ASXL2: variants seen among roughly 807,000 people sequenced by gnomAD.
The protein encoded by ASXL2 is putative Polycomb group protein ASXL2.
In ASXL2, 23 loss-of-function variants were observed where a neutral mutation model predicts 122.0. That is an observed-to-expected ratio of 0.19 (90% CI 0.14 to 0.27). The LOEUF is 0.27. ASXL2 is among the 10% of genes least tolerant of loss of function. The pLI, the probability that ASXL2 is intolerant of heterozygous loss-of-function variation, is 1.00. For synonymous variants in ASXL2, 650 were observed against 637.0 expected, an observed-to-expected ratio of 1.02 and a Z score of -0.31; for missense variants, 1,518 against 1,713.8, an observed-to-expected ratio of 0.89 and a Z score of 2.02.
chr2:25,792,861 T>C (rs988578043), intron 5 of ASXL2, among the ~76,000 whole-genome samples: 4 of 151,928 alleles, frequency 2.6e-5, no homozygotes, highest in Admixed American at 6.5e-5. Context: ...CCTCCTCGGC[T>C]TCCCAAAGTA....
At chr2:25,850,818 T>C (rs900301509) in intron 1 of ASXL2, among the ~76,000 whole-genome samples, 1 of 152,136 alleles carries the variant, frequency 6.6e-6, no homozygotes, top group African/African-American at 2.4e-5. Flanking sequence ...CTTTCCACTA[T>C]CTATTTGGTT....
chr2:25,744,359 T>C lies in ASXL2; in HGVS notation c.1978A>G (p.Ile660Val), dbSNP rs1164515342. 4.3e-6 allele frequency: 7 copies of C among 1,614,010 alleles called. No individual in the cohort carries two copies. Among genetic ancestry groups the C allele is most frequent in the Non-Finnish European group, 5.9e-6 (7 of 1,179,882 alleles). The change falls in exon 13 of 13, where the codon ATC becomes GTC. Residue 660 changes from isoleucine (I) to valine (V), a missense_variant. Ile to Val is a conservative substitution (Grantham distance 29). This residue lies in a region of ASXL2 where 48 missense variants were observed against 82.1 expected (regional missense o/e 0.58). Coordinates refer to ENST00000435504, the MANE Select transcript of ASXL2 (RefSeq NM_018263.6). This position sits in a 1 kb window ranked among gnomAD's most constrained non-coding sequence, Gnocchi z 4.7. Reference protein sequence around the residue: ...NRTGARTLADIKAKAQLVKAQ... With the variant: ...NRTGARTLADVKAKAQLVKAQ... ...TTGACCAGTTGGGCTTTTGCTTTGA[T>C]GTCTGCAAGAGTTCTGGCTCCTGTT...
At chr2:25,840,747 ATTTT>A (rs2089570092) in intron 2 of ASXL2, among the ~76,000 whole-genome samples, 1 of 152,182 alleles carries the variant, frequency 6.6e-6, no homozygotes, top group South Asian at 2.1e-4. Context: ...CATATACCTT[ATTTT>A]GTTTATTCAT....
intron 8 of ASXL2, among the ~76,000 whole-genome samples, chr2:25,765,459 G>T (rs538010196): frequency 6.6e-6 from 1 of 151,664 alleles, no homozygotes. Flanking sequence ...GCACTCCCTG[G>T]GCAACAGAGC....
intron 2 of ASXL2, chr2:25,845,215 G>A: frequency 2.4e-6 from 1 of 424,300 alleles, no homozygotes; most frequent in South Asian, 2.0e-5. Context: ...AAGGCTTGAA[G>A]ATGGCTCCAG....
chr2:25,761,136 A>G (rs1448151299), intron 8 of ASXL2, among the ~76,000 whole-genome samples: 1 of 152,232 alleles, frequency 6.6e-6, no homozygotes, highest in Non-Finnish European at 1.5e-5. Context: ...GGGTCTAACA[A>G]ATACCTGACT....
chr2:25,846,968 A>G (rs1331934632), intron 1 of ASXL2, among the ~76,000 whole-genome samples: 2 of 152,242 alleles, frequency 1.3e-5, no homozygotes, highest in African/African-American at 4.8e-5. Flanking sequence ...TATTATAACT[A>G]TGCTTCAAGA....
chr2:25,753,280 A>G (rs1009128943), intron 11 of ASXL2, among the ~76,000 whole-genome samples: 1 of 152,004 alleles, frequency 6.6e-6, no homozygotes, highest in Non-Finnish European at 1.5e-5. Context: ...TTTGTTTTTA[A>G]AGAAGCCATT....
intron 1 of ASXL2, among the ~76,000 whole-genome samples, chr2:25,850,878 G>A (rs2089707746): frequency 6.6e-6 from 1 of 152,170 alleles, no homozygotes; most frequent in South Asian, 2.1e-4. Context: ...TGCATGCGGT[G>A]GCTCACGCCT....
chr2:25,803,832 T>G (rs1009050355), intron 4 of ASXL2, among the ~76,000 whole-genome samples: 1 of 152,162 alleles, frequency 6.6e-6, no homozygotes, highest in African/African-American at 2.4e-5. Flanking sequence ...GCAGCCGGGT[T>G]CCTAACGGGC....
At chr2:25,865,983 A>G (rs2149202118) in intron 1 of ASXL2, among the ~76,000 whole-genome samples, 1 of 152,154 alleles carries the variant, frequency 6.6e-6, no homozygotes, top group East Asian at 1.9e-4. Flanking sequence ...ATGCACCATG[A>G]TGACAGCTGT....
At chr2:25,856,399 T>G in intron 1 of ASXL2, 1 of 475,326 alleles carries the variant, frequency 2.1e-6, no homozygotes, top group South Asian at 1.9e-5. Flanking sequence ...CCAGTGTTTA[T>G]TTCAGGAAGC....
At chr2:25,801,521 A>T (rs181245009) in intron 4 of ASXL2, among the ~76,000 whole-genome samples, 38 of 152,248 alleles carry the variant, frequency 2.5e-4, no homozygotes, top group African/African-American at 7.5e-4. Context: ...ATATTTTTCT[A>T]TTATTTCCTT....
intron 3 of ASXL2, among the ~76,000 whole-genome samples, chr2:25,820,403 T>C (rs1438160698): frequency 6.6e-6 from 1 of 152,242 alleles, no homozygotes; most frequent in Non-Finnish European, 1.5e-5. Flanking sequence ...TAAATGTATA[T>C]GATTTTTAAA....
At chr2:25,817,410 A>C (rs1341809143) in intron 3 of ASXL2, among the ~76,000 whole-genome samples, 1 of 152,184 alleles carries the variant, frequency 6.6e-6, no homozygotes, top group Non-Finnish European at 1.5e-5. Context: ...AATTAATATT[A>C]CCTCACAGTG....
In ASXL2 at chr2:25,750,275, G is replaced by A. The variant is rs940881705; in HGVS notation, c.1281C>T (p.Ser427=). ...ASLIRIVPVV[S]QSECKEEALQ... is the part of the protein sequence containing the mutation. ...ATGCTTCTTCTTTACACTCTGACTG[G>A]GAGACTACTGGAACTATTCTGATAA... Residue 427 remains serine (S), a synonymous_variant, in exon 12 of 13, where the codon TCC becomes TCT. Coordinates refer to ENST00000435504, the MANE Select transcript of ASXL2 (RefSeq NM_018263.6). 6.2e-7 allele frequency: 1 copy of A among 1,613,942 alleles called. No individual in the cohort carries two copies.
At chr2:25,792,895 C>T (rs572430721) in intron 5 of ASXL2, among the ~76,000 whole-genome samples, 7 of 152,126 alleles carry the variant, frequency 4.6e-5, no homozygotes, top group African/African-American at 1.2e-4. Flanking sequence ...CGTGAGCCAC[C>T]GCACTCGGCT....
intron 5 of ASXL2, among the ~76,000 whole-genome samples, chr2:25,781,496 A>G (rs954983426): frequency 1.5e-4 from 22 of 151,630 alleles, no homozygotes; most frequent in Non-Finnish European, 3.1e-4. Context: ...ATTTATGTAC[A>G]TGGTGGCTGA....
chr2:25,816,048 G>A (rs1307686453), intron 3 of ASXL2, among the ~76,000 whole-genome samples: 1 of 152,046 alleles, frequency 6.6e-6, no homozygotes, highest in Non-Finnish European at 1.5e-5. Flanking sequence ...AATCTGTACA[G>A]ACTAACCCCA....
Sources: allele counts gnomAD v4.1 joint callset (sites outside exome capture counted in the v4.1 genomes callset), GRCh38; gene constraint gnomAD v4.1.1; regional missense constraint gnomAD v4.1.1; non-coding constraint Gnocchi (gnomAD v3.1); transcripts MANE v1.5; gene names NCBI Gene and HGNC (gene_info 2026-07-23, HGNC 2026-07-21).